IL1RAPL2: variants seen among roughly 807,000 people sequenced by gnomAD.
IL1RAPL2 encodes the protein interleukin 1 receptor accessory protein like 2.
Under a neutral mutation model 44.1 loss-of-function variants are expected in IL1RAPL2, and 3 were observed. The ratio of observed to expected loss-of-function variants is 0.07; its 90% confidence interval spans 0.03 to 0.18. The LOEUF is 0.18. Among genes scored for constraint, IL1RAPL2 ranks in the 10% least tolerant of loss-of-function variants. IL1RAPL2 has a pLI of 1.00. For synonymous variants in IL1RAPL2, 181 were observed against 178.8 expected, an observed-to-expected ratio of 1.01 and a Z score of -0.10; for missense variants, 391 against 496.4, an observed-to-expected ratio of 0.79 and a Z score of 2.02.
intron 6 of IL1RAPL2, among the ~76,000 whole-genome samples, chrX:105,633,873 G>C (rs913316834): frequency 3.6e-5 from 4 of 111,499 alleles, no homozygotes; most frequent in Non-Finnish European, 5.7e-5. Flanking sequence ...CACCTGAAGA[G>C]GCTCACAGAA....
intron 2 of IL1RAPL2, among the ~76,000 whole-genome samples, chrX:105,171,695 A>ACT (rs112176945): frequency 0.15 from 14,431 of 98,552 alleles, 2,830 homozygotes; most frequent in African/African-American, 0.51. Context: ...ATAGTCAAAA[A>ACT]CTGCATGTTG....
chrX:105,146,706 G>T (rs752273122), intron 2 of IL1RAPL2, among the ~76,000 whole-genome samples: 12 of 111,110 alleles, frequency 1.1e-4, no homozygotes, highest in Non-Finnish European at 2.3e-4. Context: ...ATTGGGATTT[G>T]CAGTGAGAAA....
intron 2 of IL1RAPL2, among the ~76,000 whole-genome samples, chrX:104,660,947 TAC>T (rs773390188): frequency 2.7e-4 from 25 of 92,182 alleles, no homozygotes; most frequent in African/African-American, 6.1e-4. Context: ...TATATATATA[TAC>T]ACACACACAC....
intron 2 of IL1RAPL2, among the ~76,000 whole-genome samples, chrX:105,042,316 G>A (rs2147760036): frequency 9.1e-6 from 1 of 109,739 alleles, no homozygotes; most frequent in South Asian, 4.0e-4. Context: ...GAAAATTTTT[G>A]CAATCTACTC....
chrX:105,317,059 T>A (rs892650066), intron 5 of IL1RAPL2, among the ~76,000 whole-genome samples: 1 of 111,756 alleles, frequency 8.9e-6, no homozygotes, highest in Admixed American at 9.5e-5. Context: ...TCCTATTTTC[T>A]CATCTCACTC....
chrX:104,919,353 G>A (rs1924560299), intron 2 of IL1RAPL2, among the ~76,000 whole-genome samples: 1 of 106,520 alleles, frequency 9.4e-6, no homozygotes, highest in African/African-American at 3.5e-5. Context: ...AGCCTCTCAA[G>A]TAGCTGGGAT....
chrX:105,209,358 A>T (rs781999611), intron 3 of IL1RAPL2, among the ~76,000 whole-genome samples: 2 of 112,049 alleles, frequency 1.8e-5, no homozygotes, highest in Non-Finnish European at 1.9e-5. Context: ...GTGATCAGAA[A>T]AAAAGAGGTC....
At chrX:104,953,095 A>G (rs1433602692) in intron 2 of IL1RAPL2, among the ~76,000 whole-genome samples, 2 of 111,429 alleles carry the variant, frequency 1.8e-5, no homozygotes, top group East Asian at 2.8e-4. Context: ...GTCTTCAACA[A>G]CTCCAACATT....
chrX:104,866,589 G>T (rs1922621707), intron 2 of IL1RAPL2, among the ~76,000 whole-genome samples: 2 of 111,881 alleles, frequency 1.8e-5, no homozygotes, highest in African/African-American at 6.5e-5. Flanking sequence ...GGACCTTACA[G>T]TCTGGAAAGC....
At chrX:105,042,368 A>G (rs2031759414) in intron 2 of IL1RAPL2, among the ~76,000 whole-genome samples, 1 of 110,849 alleles carries the variant, frequency 9.0e-6, no homozygotes, top group African/African-American at 3.3e-5. Context: ...AATGAACTCA[A>G]ACAAATTTAC....
At position 104,984,756 on chromosome X, in the gene IL1RAPL2, G is replaced by A. The variant is rs190659925; in HGVS notation, c.83-210719G>A. On this transcript the variant is annotated intron_variant, in intron 2 of 10. Coordinates refer to ENST00000372582, the MANE Select transcript of IL1RAPL2 (RefSeq NM_017416.2). ...GTACCTGAATACAGATACATTTTAA[G>A]GTGTTTTTATTGTTTTGTTATTGGA... Among the ~76,000 whole-genome samples the A allele has an allele frequency of 4.5e-5, 5 of 112,130 alleles. No homozygotes were observed. In the East Asian group the frequency reaches 1.4e-3, roughly 32 times the overall value.
chrX:105,247,795 A>G (rs956681225), intron 4 of IL1RAPL2, among the ~76,000 whole-genome samples: 1 of 109,045 alleles, frequency 9.2e-6, no homozygotes, highest in African/African-American at 3.3e-5. Flanking sequence ...CTATGCTAAC[A>G]TTTTCTTCCT....
chrX:104,871,085 A>G (rs1922750298), intron 2 of IL1RAPL2, among the ~76,000 whole-genome samples: 1 of 111,629 alleles, frequency 9.0e-6, no homozygotes, highest in Non-Finnish European at 1.9e-5. Context: ...AACGACTTAT[A>G]TAAGTTCTTA....
intron 2 of IL1RAPL2, among the ~76,000 whole-genome samples, chrX:104,909,699 C>T (rs1277703784): frequency 8.9e-6 from 1 of 112,023 alleles, no homozygotes; most frequent in African/African-American, 3.2e-5. Context: ...GCAGTCTGCC[C>T]CTTCTCAGAT....
At chrX:105,263,489 T>C (rs1215670139) in intron 4 of IL1RAPL2, among the ~76,000 whole-genome samples, 1 of 111,909 alleles carries the variant, frequency 8.9e-6, no homozygotes, top group Non-Finnish European at 1.9e-5. Flanking sequence ...GTAGGTATGA[T>C]GATGATATCT....
chrX:104,916,714 A>G (rs1924450064), intron 2 of IL1RAPL2, among the ~76,000 whole-genome samples: 1 of 111,243 alleles, frequency 9.0e-6, no homozygotes, highest in Admixed American at 9.6e-5. Context: ...TTTGTCACAG[A>G]TAGCTCTTAT....
At chrX:104,958,421 A>G (rs1216968831) in intron 2 of IL1RAPL2, among the ~76,000 whole-genome samples, 1 of 107,376 alleles carries the variant, frequency 9.3e-6, no homozygotes, top group Non-Finnish European at 1.9e-5. Flanking sequence ...ATTAAGCTCC[A>G]GAGGCCTAGG....
intron 2 of IL1RAPL2, among the ~76,000 whole-genome samples, chrX:104,834,611 A>G (rs1174906197): frequency 1.8e-5 from 2 of 112,352 alleles, no homozygotes; most frequent in South Asian, 3.7e-4. Context: ...AGCCTCTGAT[A>G]TAAACATTCA....
At chrX:104,959,366 G>A (rs930278019) in intron 2 of IL1RAPL2, among the ~76,000 whole-genome samples, 2 of 110,628 alleles carry the variant, frequency 1.8e-5, no homozygotes, top group African/African-American at 6.6e-5. Flanking sequence ...TCTACTGCAC[G>A]TATTCTTGGT....
Sources: gnomAD v4.1 joint callset for allele counts (sites outside exome capture counted in the v4.1 genomes callset) on GRCh38, gnomAD v4.1.1 for gene constraint, MANE v1.5 for transcripts, NCBI Gene and HGNC (gene_info 2026-07-23, HGNC 2026-07-21) for gene names.